The following FAF1 variants were observed in gnomAD, a reference collection of about 807,000 sequenced individuals.
FAF1 encodes FAS-associated factor 1.
In FAF1, 25 loss-of-function variants were observed where a neutral mutation model predicts 92.5. That is an observed-to-expected ratio of 0.27 (90% confidence interval 0.20 to 0.38). FAF1 has a LOEUF of 0.38. FAF1 is among the 10% of genes least tolerant of loss of function. FAF1 has a pLI of 1.00. For missense variants in FAF1, 636 were observed against 793.3 expected (o/e 0.80, Z 2.38); for synonymous variants, 234 against 273.2 (o/e 0.86, Z 1.42).
At chr1:50,536,611 A>C (rs1036438367) in intron 14 of FAF1, among the ~76,000 whole-genome samples, 1 of 152,198 alleles carries the variant, frequency 6.6e-6, no homozygotes, top group Non-Finnish European at 1.5e-5. Flanking sequence ...ATTTGTTCAC[A>C]TCAGTACTAC....
chr1:50,506,030 C>T (rs1280707594), intron 15 of FAF1, among the ~76,000 whole-genome samples: 1 of 152,208 alleles, frequency 6.6e-6, no homozygotes, highest in African/African-American at 2.4e-5. Flanking sequence ...GCAGCCTTTA[C>T]ATGTGCCAAT....
At chr1:50,714,306 C>T (rs960744926) in intron 6 of FAF1, among the ~76,000 whole-genome samples, 5 of 149,324 alleles carry the variant, frequency 3.3e-5, no homozygotes, top group Non-Finnish European at 7.4e-5. Flanking sequence ...CGTTCAAAAC[C>T]AGCCTGGCCA....
chr1:50,813,190 C>CACAT (rs1643933216), intron 2 of FAF1, among the ~76,000 whole-genome samples: 1 of 151,594 alleles, frequency 6.6e-6, no homozygotes, highest in South Asian at 2.1e-4. Flanking sequence ...AAGAAACCTG[C>CACAT]ACATGTACTC....
intron 1 of FAF1, among the ~76,000 whole-genome samples, chr1:50,922,092 G>A (rs747624969): frequency 1.8e-4 from 27 of 150,422 alleles, no homozygotes; most frequent in Admixed American, 3.3e-4. Flanking sequence ...CTTAGAACCC[G>A]GGAGGCAGAG....
intron 7 of FAF1, among the ~76,000 whole-genome samples, chr1:50,703,344 C>T (rs1657551081): frequency 1.3e-5 from 2 of 151,978 alleles, no homozygotes; most frequent in Non-Finnish European, 2.9e-5. Flanking sequence ...GATTGAATAG[C>T]TGTAGATAAG....
chr1:50,892,127 G>A (rs1644725094), intron 1 of FAF1, among the ~76,000 whole-genome samples: 1 of 152,198 alleles, frequency 6.6e-6, no homozygotes, highest in Admixed American at 6.5e-5. Flanking sequence ...AGCAATGAGT[G>A]AGGCTCCATG....
chr1:50,768,074 A>G (rs1315715891), intron 4 of FAF1, among the ~76,000 whole-genome samples: 1 of 152,214 alleles, frequency 6.6e-6, no homozygotes, highest in African/African-American at 2.4e-5. Flanking sequence ...AATGACACCC[A>G]CTGGCTAAAA....
chr1:50,663,810 G>C (rs2124319923), intron 7 of FAF1, among the ~76,000 whole-genome samples: 1 of 151,624 alleles, frequency 6.6e-6, no homozygotes, highest in Admixed American at 6.5e-5. Context: ...AAGGTGGCCA[G>C]TCACTTTTGA....
chr1:50,537,876 C>G (rs952040023), intron 14 of FAF1, among the ~76,000 whole-genome samples: 4 of 152,062 alleles, frequency 2.6e-5, no homozygotes, highest in African/African-American at 7.2e-5. Context: ...TGTGGATGTT[C>G]TTTGATAATA....
chr1:50,830,782 A>G (rs1223106458), intron 2 of FAF1, among the ~76,000 whole-genome samples: 1 of 152,176 alleles, frequency 6.6e-6, no homozygotes, highest in African/African-American at 2.4e-5. Context: ...AAGTTATTCC[A>G]GACTGCAAAG....
intron 8 of FAF1, among the ~76,000 whole-genome samples, chr1:50,631,048 C>A (rs1409738473): frequency 6.6e-6 from 1 of 151,920 alleles, no homozygotes; most frequent in Non-Finnish European, 1.5e-5. Flanking sequence ...CCTCGGCCTC[C>A]CAAAGTGCTG....
chr1:50,891,778 A>G lies in FAF1; in HGVS notation c.46-33781T>C, dbSNP rs58314543. ...TGTCAGTCTGCCCCTACTGGGGCCT[A>G]CCTCCCAGTTAGGCTACTCAGGGGT... is the stretch of plus-strand genomic sequence containing the variant. On this transcript the variant is annotated intron_variant, in intron 1 of 18. Transcript: ENST00000396153. Among the ~76,000 whole-genome samples, 32 of 152,248 alleles carry G rather than the reference A, an allele frequency of 2.1e-4. 1 individual carries two copies. In the East Asian group the frequency reaches 6.2e-3, roughly 29 times the overall value.
chr1:50,442,058 T>C (rs977034378), intron 18 of FAF1, among the ~76,000 whole-genome samples: 5 of 151,994 alleles, frequency 3.3e-5, no homozygotes, highest in South Asian at 2.1e-4. Context: ...AAACAGGCAA[T>C]GTCATAATAC....
intron 1 of FAF1, among the ~76,000 whole-genome samples, chr1:50,954,792 C>G (rs955286671): frequency 6.6e-6 from 1 of 152,116 alleles, no homozygotes; most frequent in African/African-American, 2.4e-5. Flanking sequence ...ATCCGCCTGC[C>G]TCGGCCTCCC....
chr1:50,501,276 T>C (rs1435986258), intron 15 of FAF1, among the ~76,000 whole-genome samples: 1 of 152,156 alleles, frequency 6.6e-6, no homozygotes, highest in Non-Finnish European at 1.5e-5. Flanking sequence ...AATAAGCATG[T>C]CGAAAAATAA....
chr1:50,606,469 T>C (rs1448879654), intron 8 of FAF1, among the ~76,000 whole-genome samples: 1 of 150,520 alleles, frequency 6.6e-6, no homozygotes, highest in African/African-American at 2.4e-5. Flanking sequence ...TGTTTAGATA[T>C]ATTGTAGCTG....
chr1:50,756,206 G>C (rs1395333977), intron 4 of FAF1, among the ~76,000 whole-genome samples: 1 of 152,158 alleles, frequency 6.6e-6, no homozygotes, highest in African/African-American at 2.4e-5. Context: ...CAGCACCCAA[G>C]TCACCTCTTG....
intron 17 of FAF1, among the ~76,000 whole-genome samples, chr1:50,484,920 A>G (rs1314430264): frequency 7.3e-6 from 1 of 136,834 alleles, no homozygotes; most frequent in East Asian, 2.4e-4. Flanking sequence ...ACACTTGGAC[A>G]CAGGAAGGGG....
intron 2 of FAF1, among the ~76,000 whole-genome samples, chr1:50,849,052 T>G (rs1644326509): frequency 6.6e-6 from 1 of 151,420 alleles, no homozygotes; most frequent in Non-Finnish European, 1.5e-5. Flanking sequence ...AGGTCAGGAG[T>G]TCGAGACTAG....
Sources: allele counts gnomAD v4.1 joint callset (sites outside exome capture counted in the v4.1 genomes callset), GRCh38; gene constraint gnomAD v4.1.1; transcripts MANE v1.5; gene names NCBI Gene and HGNC (gene_info 2026-07-23, HGNC 2026-07-21).